Variants in PCDH15 observed in about 807,000 individuals in gnomAD.
The protein encoded by PCDH15 is protocadherin related 15.
In PCDH15, 129 loss-of-function variants were observed where a neutral mutation model predicts 178.5. The ratio of observed to expected loss-of-function variants is 0.72; its 90% CI spans 0.63 to 0.84. The LOEUF (loss-of-function observed/expected upper bound fraction) is 0.84, where lower values mean the gene tolerates loss of function less well. PCDH15 is among the 40% of genes least tolerant of loss of function. The probability of loss-of-function intolerance (pLI) is 0.00; values close to 1 mark genes in which losing one functional copy is unlikely to be tolerated. For synonymous variants in PCDH15, 800 were observed against 732.0 expected, an observed-to-expected ratio of 1.09 and a Z score of -1.50; for missense variants, 2,230 against 2,099.9, an observed-to-expected ratio of 1.06 and a Z score of -1.21.
intron 13 of PCDH15, among the ~76,000 whole-genome samples, chr10:54,166,368 T>C (rs977626963): frequency 1.3e-5 from 2 of 152,226 alleles, no homozygotes; most frequent in African/African-American, 4.8e-5. Context: ...GCCTTACTCG[T>C]TCTACGTATT....
intron 5 of PCDH15, among the ~76,000 whole-genome samples, chr10:54,349,838 C>T (rs1361166697): frequency 6.6e-6 from 1 of 152,042 alleles, no homozygotes; most frequent in Non-Finnish European, 1.5e-5. Flanking sequence ...AAGCTTAATC[C>T]AAAGAGTAAT....
chr10:53,960,810 C>T lies in PCDH15; in HGVS notation c.3009+942G>A, dbSNP rs552264224. Among the ~76,000 whole-genome samples, 7 of 152,222 alleles carry T rather than the reference C, an allele frequency of 4.6e-5. No homozygotes were observed. The South Asian group carries it at 6.2e-4, about 14-fold the overall frequency. On this transcript the variant is annotated intron_variant, in intron 22 of 37. Coordinates refer to ENST00000644397, the MANE Select transcript of PCDH15 (RefSeq NM_001384140.1). The stretch of plus-strand genomic sequence containing the variant: ...GAGACATAGTGCTCACTGATCCTTA[C>T]GTGGTTAACTGATAAAGCTATTTCC...
At chr10:54,923,147 C>G (rs1448816624) in intron 2 of PCDH15, among the ~76,000 whole-genome samples, 1 of 138,474 alleles carries the variant, frequency 7.2e-6, no homozygotes, top group Non-Finnish European at 1.7e-5. Context: ...GGATTGTACC[C>G]TCTGAAGCAA....
intron 1 of PCDH15, among the ~76,000 whole-genome samples, chr10:55,246,555 G>A (rs1841683796): frequency 6.6e-6 from 1 of 152,088 alleles, no homozygotes; most frequent in Non-Finnish European, 1.5e-5. Flanking sequence ...GACCTAATGG[G>A]TAATAAATTC....
intron 3 of PCDH15, among the ~76,000 whole-genome samples, chr10:54,446,834 T>A (rs1279100395): frequency 6.6e-6 from 1 of 151,494 alleles, no homozygotes; most frequent in Non-Finnish European, 1.5e-5. Flanking sequence ...AAACTGCTGA[T>A]GTACTGTTTC....
chr10:55,504,685 G>A (rs1377197358), intron 2 of PCDH15, among the ~76,000 whole-genome samples: 1 of 151,178 alleles, frequency 6.6e-6, no homozygotes, highest in African/African-American at 2.4e-5. Context: ...ATGAATAATA[G>A]AGGCTATTAC....
chr10:55,358,437 A>C (rs994301153), intron 2 of PCDH15, among the ~76,000 whole-genome samples: 6 of 152,062 alleles, frequency 3.9e-5, no homozygotes, highest in African/African-American at 1.4e-4. Flanking sequence ...CATTCCTATG[A>C]ATGATTCTTC....
intron 1 of PCDH15, among the ~76,000 whole-genome samples, chr10:55,273,076 T>C (rs1346717429): frequency 6.6e-6 from 1 of 152,094 alleles, no homozygotes; most frequent in Non-Finnish European, 1.5e-5. Flanking sequence ...GTGATACTGA[T>C]TTCAAAGTTG....
At chr10:54,216,695 G>A (rs1046534921) in intron 9 of PCDH15, among the ~76,000 whole-genome samples, 4 of 152,174 alleles carry the variant, frequency 2.6e-5, no homozygotes, top group African/African-American at 9.7e-5. Flanking sequence ...CACTGGTGGT[G>A]TTAATACAAG....
At chr10:53,964,272 A>C (rs886959612) in intron 21 of PCDH15, among the ~76,000 whole-genome samples, 1 of 151,876 alleles carries the variant, frequency 6.6e-6, no homozygotes, top group African/African-American at 2.4e-5. Context: ...TAAGAATACA[A>C]GCTTTATTAG....
At chr10:55,481,352 T>C (rs1230420974) in intron 2 of PCDH15, among the ~76,000 whole-genome samples, 2 of 151,860 alleles carry the variant, frequency 1.3e-5, no homozygotes, top group African/African-American at 4.8e-5. Context: ...GATCTGATTT[T>C]GGTTATTTCT....
At chr10:54,538,515 C>T (rs2084828128) in intron 2 of PCDH15, among the ~76,000 whole-genome samples, 1 of 151,942 alleles carries the variant, frequency 6.6e-6, no homozygotes, top group African/African-American at 2.4e-5. Context: ...GTACTATAGC[C>T]TTAGAGTATA....
chr10:54,329,566 G>T (rs760915391), intron 7 of PCDH15, 30 bp downstream of exon 7: 1 of 1,474,686 alleles, frequency 6.8e-7, no homozygotes, highest in Non-Finnish European at 9.5e-7. Context: ...TAAATTCACA[G>T]AAGAAATTTA....
chr10:55,117,812 C>A (rs763403449), intron 2 of PCDH15, among the ~76,000 whole-genome samples: 4 of 152,160 alleles, frequency 2.6e-5, no homozygotes, highest in Non-Finnish European at 5.9e-5. Context: ...AGTTGCTCTA[C>A]AGAGGTCAAT....
At chr10:55,084,462 T>TAAAAAAAAAAAAAAAAAAAAAA (rs71461276) in intron 2 of PCDH15, among the ~76,000 whole-genome samples, 30 of 145,540 alleles carry the variant, frequency 2.1e-4, no homozygotes, top group African/African-American at 6.3e-4. Context: ...CCTCAAGCTG[T>TAAAAAAAAAAAAAAAAAAAAAA]AAAAAAAAAA....
At chr10:55,255,029 G>T (rs989425850) in intron 1 of PCDH15, among the ~76,000 whole-genome samples, 23 of 151,878 alleles carry the variant, frequency 1.5e-4, no homozygotes, top group African/African-American at 5.3e-4. Context: ...GTATACATGT[G>T]CCATGTTGGT....
chr10:54,104,057 G>C (rs938013825), intron 15 of PCDH15, among the ~76,000 whole-genome samples: 1 of 152,174 alleles, frequency 6.6e-6, no homozygotes, highest in Non-Finnish European at 1.5e-5. Context: ...GCAAACAGGA[G>C]TGTTGGGGCT....
chr10:55,490,256 G>T (rs1336559536), intron 2 of PCDH15, among the ~76,000 whole-genome samples: 2 of 151,796 alleles, frequency 1.3e-5, no homozygotes, highest in Middle Eastern at 3.4e-3. Flanking sequence ...TCAGAGTTGA[G>T]GGACACTAAG....
At chr10:55,353,051 A>G (rs955574880) in intron 2 of PCDH15, among the ~76,000 whole-genome samples, 35 of 152,296 alleles carry the variant, frequency 2.3e-4, no homozygotes, top group African/African-American at 8.4e-4. Flanking sequence ...CTTTAAAAGT[A>G]GAACTAATTG....
Sources: allele counts gnomAD v4.1 joint callset (sites outside exome capture counted in the v4.1 genomes callset), GRCh38; gene constraint gnomAD v4.1.1; transcripts MANE v1.5; gene names NCBI Gene and HGNC (gene_info 2026-07-23, HGNC 2026-07-21).